Variants in SRCIN1 observed in about 807,000 individuals in gnomAD.
SRCIN1 encodes SRC kinase signaling inhibitor 1.
A neutral mutation model predicts 116.2 loss-of-function variants in SRCIN1; 50 were observed. The observed-to-expected ratio is 0.43, with a 90% CI of 0.34 to 0.54. The LOEUF is 0.54. Ranked by LOEUF, SRCIN1 falls within the 20% of genes least tolerant of loss-of-function variation. The probability of loss-of-function intolerance (pLI) is 0.02; values close to 1 mark genes in which losing one functional copy is unlikely to be tolerated. For missense variants in SRCIN1, 1,446 were observed against 1,672.0 expected, an observed-to-expected ratio of 0.86 and a Z score of 2.36; for synonymous variants, 736 against 750.0, an observed-to-expected ratio of 0.98 and a Z score of 0.30.
intron 11 of SRCIN1, among the ~76,000 whole-genome samples, chr17:38,554,796 C>T (rs1233885581): frequency 6.6e-6 from 1 of 152,238 alleles, no homozygotes; most frequent in African/African-American, 2.4e-5. Flanking sequence ...GCTGACATCC[C>T]TGACTCACAT....
At position 38,552,957 on chromosome 17, in the gene SRCIN1, G is replaced by T; in HGVS notation, c.2202-102C>A. 6.6e-7 allele frequency: 1 copy of T among 1,515,758 alleles called. No homozygotes were observed. Among genetic ancestry groups the T allele is most frequent in the South Asian group, 1.3e-5 (1 of 77,042 alleles). 93.9% of individuals were successfully genotyped at this position (1,515,758 alleles called of 1,614,324 possible). A position where few individuals can be genotyped will look rare whatever the true frequency, so the allele number is the denominator to read the frequency against. On this transcript the variant is annotated intron_variant, in intron 11 of 18. Transcript: ENST00000617146. The surrounding 1 kb of genome is among the most constrained non-coding windows in gnomAD (Gnocchi z 5.3). Reference sequence around the variant, plus strand: ...AAGAAATCAGGCCACCAGTTGGATCGAAAGTAAAAGCAGGAGGCTGGGCAC... The same window carrying T: ...AAGAAATCAGGCCACCAGTTGGATCTAAAGTAAAAGCAGGAGGCTGGGCAC...
chr17:38,581,073 G>T (rs1348937611), intron 1 of SRCIN1, among the ~76,000 whole-genome samples: 2 of 152,040 alleles, frequency 1.3e-5, no homozygotes, highest in Non-Finnish European at 2.9e-5. Flanking sequence ...AGGCTCAAGT[G>T]ATTCTCCCAC....
chr17:38,568,101 G>C lies in SRCIN1; in HGVS notation c.345+110C>G, dbSNP rs914397882. 10 of 1,336,670 alleles carry C rather than the reference G, an allele frequency of 7.5e-6. No homozygotes were observed. The South Asian group carries it at 1.1e-4, about 15-fold the overall frequency. The allele number at this position is 1,336,670 out of a possible 1,614,324, so 82.8% of individuals were successfully genotyped here. On this transcript the variant is annotated intron_variant, in intron 3 of 18. Coordinates refer to ENST00000617146, the MANE Select transcript of SRCIN1 (RefSeq NM_025248.3). This position sits in a 1 kb window ranked among gnomAD's most constrained non-coding sequence, Gnocchi z 4.5. ...CGAGGCCCACCGCCCATACCAGAAG[G>C]TGTCCGTGCAGATGCGCACCCCGGT...
At position 38,562,517 on chromosome 17, in the gene SRCIN1, T is replaced by C. The variant is rs952562261; in HGVS notation, c.835-189A>G. Among the ~76,000 whole-genome samples, 1 of 152,140 alleles carries C rather than the reference T, an allele frequency of 6.6e-6. No homozygotes were observed. Among genetic ancestry groups the C allele is most frequent in the Non-Finnish European group, 1.5e-5 (1 of 68,016 alleles). On this transcript the variant is annotated intron_variant, in intron 6 of 18. Transcript: ENST00000617146. The surrounding 1 kb of genome is among the most constrained non-coding windows in gnomAD (Gnocchi z 4.2). The stretch of plus-strand genomic sequence containing the variant: ...CTAGCATGGAGGAAAAGGTGGCCGA[T>C]GAAGAGGCACCAGAGGGGTAACCCT...
At chr17:38,579,627 A>C (rs892411531) in intron 1 of SRCIN1, among the ~76,000 whole-genome samples, 4 of 152,058 alleles carry the variant, frequency 2.6e-5, no homozygotes, top group Non-Finnish European at 2.9e-5. Flanking sequence ...CGACACACAC[A>C]CAAGATCAAG....
chr17:38,556,648 C>T (rs1037155592), intron 11 of SRCIN1, among the ~76,000 whole-genome samples: 2 of 152,174 alleles, frequency 1.3e-5, no homozygotes, highest in African/African-American at 2.4e-5. Flanking sequence ...GGTTGGAGCC[C>T]AGTATCTGCC....
At chr17:38,605,656 A>T in intron 1 of SRCIN1, 28 bp downstream of exon 1, 1 of 1,306,916 alleles carries the variant, frequency 7.7e-7, no homozygotes, top group Non-Finnish European at 9.9e-7. Context: ...ATGGAGGCAC[A>T]TTAGGGAGGA....
chr17:38,594,369 C>T (rs1908603544), intron 1 of SRCIN1, among the ~76,000 whole-genome samples: 1 of 152,204 alleles, frequency 6.6e-6, no homozygotes, highest in Non-Finnish European at 1.5e-5. Context: ...TATTAAAAAG[C>T]CATCAAGGCG....
intron 11 of SRCIN1, among the ~76,000 whole-genome samples, chr17:38,555,258 G>A (rs1193124900): frequency 6.6e-6 from 1 of 152,180 alleles, no homozygotes; most frequent in Non-Finnish European, 1.5e-5. Flanking sequence ...TCTACCCAAT[G>A]GAAGATGAGT....
intron 18 of SRCIN1, among the ~76,000 whole-genome samples, chr17:38,536,752 G>T (rs942922946): frequency 6.6e-6 from 1 of 152,228 alleles, no homozygotes; most frequent in Non-Finnish European, 1.5e-5. Context: ...CCAGAGTGGG[G>T]GATGTGGGGA....
At position 38,604,510 on chromosome 17, in the gene SRCIN1, T is replaced by C; in HGVS notation, c.22+1174A>G. The C allele has an allele frequency of 2.2e-6, 1 of 455,194 alleles. No homozygotes were observed. Among genetic ancestry groups the C allele is most frequent in the Non-Finnish European group, 4.4e-6 (1 of 226,356 alleles). The allele number at this position is 455,194 out of a possible 1,614,324, so 28.2% of individuals were successfully genotyped here. A position where few individuals can be genotyped will look rare whatever the true frequency, so the allele number is the denominator to read the frequency against. Reference sequence around the variant, plus strand: ...CCCCTCGGCCCCCAGGGTCCCTCGGTCCAGCCTCCTCCCTGGGAGAGCGGG... The same window carrying C: ...CCCCTCGGCCCCCAGGGTCCCTCGGCCCAGCCTCCTCCCTGGGAGAGCGGG... On this transcript the variant is annotated intron_variant, in intron 1 of 18. Coordinates refer to ENST00000617146, the MANE Select transcript of SRCIN1 (RefSeq NM_025248.3). The surrounding 1 kb of genome is among the most constrained non-coding windows in gnomAD (Gnocchi z 4.3).
chr17:38,562,394 A>G lies in SRCIN1; in HGVS notation c.835-66T>C, dbSNP rs1019202480. 10 of 1,381,030 alleles carry G rather than the reference A, an allele frequency of 7.2e-6. No homozygotes were observed. In the African/African-American group the frequency reaches 1.4e-4, roughly 19 times the overall value. 85.5% of individuals were successfully genotyped at this position (1,381,030 alleles called of 1,614,324 possible). A position where few individuals can be genotyped will look rare whatever the true frequency, so the allele number is the denominator to read the frequency against. On this transcript the variant is annotated intron_variant, in intron 6 of 18. Transcript: ENST00000617146. The surrounding 1 kb of genome is among the most constrained non-coding windows in gnomAD (Gnocchi z 4.2). ...CAAGGACACCCCTGTCCCTTGCTTG[A>G]GGAGCCAGCATCTCCTCCCTGACGC...
chr17:38,554,958 C>T (rs1905691039), intron 11 of SRCIN1, among the ~76,000 whole-genome samples: 1 of 152,230 alleles, frequency 6.6e-6, no homozygotes, highest in Non-Finnish European at 1.5e-5. Context: ...GCACGCCTTA[C>T]ACATCTTCAT....
Position 38,552,820 on chromosome 17 carries a change from T to A in SRCIN1, c.2237A>T (p.Asp746Val). ...CACCAGCCGGTGGTTGTGGGACACGTCTCTCTGGATCTTCTCCACCGATTT... is the reference window on the plus strand; with the variant it reads ...CACCAGCCGGTGGTTGTGGGACACGACTCTCTGGATCTTCTCCACCGATTT... The part of the protein sequence containing the change: ...LEKSVEKIQR[D>V]VSHNHRLVPG... Residue 746 changes from aspartate (D) to valine (V), a missense_variant, in exon 12 of 19, where the codon GAC becomes GTC. Physicochemically the swap from Asp to Val is radical, Grantham distance 152 (BLOSUM62 -3). Coordinates refer to ENST00000617146, the MANE Select transcript of SRCIN1 (RefSeq NM_025248.3). This position sits in a 1 kb window ranked among gnomAD's most constrained non-coding sequence, Gnocchi z 5.3. The A allele has an allele frequency of 6.2e-7, 1 of 1,613,920 alleles. No individual in the cohort carries two copies. Among genetic ancestry groups the A allele is most frequent in the Non-Finnish European group, 8.5e-7 (1 of 1,179,872 alleles).
intron 3 of SRCIN1, among the ~76,000 whole-genome samples, chr17:38,564,536 G>A (rs1244646726): frequency 6.6e-6 from 1 of 152,090 alleles, no homozygotes. Flanking sequence ...TAAGGAATGG[G>A]CAAAGGACCC....
intron 11 of SRCIN1, among the ~76,000 whole-genome samples, chr17:38,554,931 A>C (rs1457795890): frequency 6.6e-6 from 1 of 152,226 alleles, no homozygotes; most frequent in Admixed American, 6.5e-5. Flanking sequence ...GCTCTGTGTC[A>C]TCAGCAAATC....
intron 1 of SRCIN1, among the ~76,000 whole-genome samples, chr17:38,599,007 G>A (rs1908873372): frequency 1.3e-5 from 2 of 152,106 alleles, no homozygotes. Context: ...GTGTATGTGT[G>A]TGTGTACGTA....
intron 2 of SRCIN1, among the ~76,000 whole-genome samples, chr17:38,575,988 G>A (rs547829883): frequency 6.6e-6 from 1 of 152,188 alleles, no homozygotes; most frequent in Non-Finnish European, 1.5e-5. Flanking sequence ...GTGGGGAAAC[G>A]AATGAGTGAA....
At position 38,580,814 on chromosome 17, in the gene SRCIN1, TTA is replaced by T. The variant is rs200981327; in HGVS notation, c.23-2025_23-2024del. Among the ~76,000 whole-genome samples the T allele has an allele frequency of 5.5e-3, 834 of 152,274 alleles. 2 individuals carry two copies. The highest frequency in any genetic ancestry group is 8.6e-3 in the Non-Finnish European group (584 of 68,016). On this transcript the variant is annotated intron_variant, in intron 1 of 18. Coordinates refer to ENST00000617146, the MANE Select transcript of SRCIN1 (RefSeq NM_025248.3). The stretch of plus-strand genomic sequence containing the variant: ...AGATGACTTTGGGAAGAACATTATT[TTA>T]TGTCTTCTCTTCCTTCCTCTTTTTT...
Sources: gnomAD v4.1 joint callset for allele counts (sites outside exome capture counted in the v4.1 genomes callset) on GRCh38, gnomAD v4.1.1 for gene constraint, Gnocchi (gnomAD v3.1) non-coding constraint, MANE v1.5 for transcripts, NCBI Gene and HGNC (gene_info 2026-07-23, HGNC 2026-07-21) for gene names.